Variants in ADD1 observed in about 807,000 individuals in gnomAD.
ADD1 encodes the protein adducin 1, also known as alpha-adducin.
Under a neutral mutation model 80.5 loss-of-function variants are expected in ADD1, and 24 were observed. The ratio of observed to expected loss-of-function variants is 0.30; its 90% CI spans 0.22 to 0.42. ADD1 has a LOEUF of 0.42. Among genes scored for constraint, ADD1 ranks in the 10% least tolerant of loss-of-function variants. ADD1 has a pLI of 1.00. For synonymous variants in ADD1, 373 were observed against 393.8 expected (o/e 0.95, Z 0.63); for missense variants, 948 against 1,019.0 (o/e 0.93, Z 0.95).
At chr4:2,874,917 A>G (rs760947749) in intron 1 of ADD1, among the ~76,000 whole-genome samples, 21 of 152,152 alleles carry the variant, frequency 1.4e-4, no homozygotes, top group Non-Finnish European at 2.4e-4. Context: ...TTCAATTCCC[A>G]GGTGGTTCAT....
chr4:2,920,503 C>G (rs1739821447), intron 14 of ADD1, among the ~76,000 whole-genome samples: 1 of 152,154 alleles, frequency 6.6e-6, no homozygotes, highest in East Asian at 1.9e-4. Flanking sequence ...CTTTATGAAT[C>G]TGGGTGCTCC....
At chr4:2,898,719 T>C (rs1011311233) in intron 8 of ADD1, 188 bp downstream of exon 8, 14 of 607,132 alleles carry the variant, frequency 2.3e-5, no homozygotes, top group Non-Finnish European at 4.1e-5. Context: ...GGCAAAGGAT[T>C]ACTGGGCTTT....
At chr4:2,886,959 C>T (rs180680448) in intron 4 of ADD1, among the ~76,000 whole-genome samples, 1 of 152,320 alleles carries the variant, frequency 6.6e-6, no homozygotes, top group Admixed American at 6.5e-5. Flanking sequence ...TCACCTTCTT[C>T]GCAGGTTTTA....
rs142176014 is a variant in ADD1, at chr4:2,896,589, G to C, written c.742-1595G>C. On this transcript the variant is annotated intron_variant, in intron 6 of 15. Transcript: ENST00000683351. Reference sequence around the variant, plus strand: ...TGGTTTGTTTCACTCTGAACATATGGTTCTTATGTCAACATCGTGGTTTTA... The same window carrying C: ...TGGTTTGTTTCACTCTGAACATATGCTTCTTATGTCAACATCGTGGTTTTA... Among the ~76,000 whole-genome samples, 167 of 152,152 alleles carry C rather than the reference G, an allele frequency of 1.1e-3. 1 individual carries two copies. Among genetic ancestry groups the C allele is most frequent in the Admixed American group, 3.6e-3 (55 of 15,284 alleles).
chr4:2,867,317 A>G (rs1254792733), intron 1 of ADD1, among the ~76,000 whole-genome samples: 1 of 152,110 alleles, frequency 6.6e-6, no homozygotes, highest in Non-Finnish European at 1.5e-5. Context: ...AGCTGTTTTT[A>G]CTTTACAGGT....
intron 14 of ADD1, among the ~76,000 whole-genome samples, chr4:2,918,099 T>C (rs758465667): frequency 2.0e-5 from 3 of 152,264 alleles, no homozygotes; most frequent in Non-Finnish European, 4.4e-5. Flanking sequence ...ATTGAATCTA[T>C]AAATTACTTT....
intron 1 of ADD1, among the ~76,000 whole-genome samples, chr4:2,852,178 CTTTCTTTCTTT>C (rs200088992): frequency 2.2e-4 from 13 of 58,558 alleles, no homozygotes; most frequent in African/African-American, 9.1e-4. Flanking sequence ...TTCTTTCTTT[CTTTCTTTCTTT>C]CTTTCTTTCC....
chr4:2,915,097 C>T (rs1738771069), intron 14 of ADD1, 57 bp downstream of exon 14: 1 of 1,529,468 alleles, frequency 6.5e-7, no homozygotes, highest in East Asian at 2.3e-5. Flanking sequence ...GCTCTGGGAG[C>T]TTCTTTGTGG....
rs1341080377 is a variant in ADD1, at chr4:2,880,401, G to A, written c.196-1497G>A. On this transcript the variant is annotated intron_variant, in intron 2 of 15. Coordinates refer to ENST00000683351, the MANE Select transcript of ADD1 (RefSeq NM_001354761.2). The stretch of plus-strand genomic sequence containing the variant: ...TAAATTTGATGTGGATTAACATCCA[G>A]TGAACTTAAATTTTCATACCGGATA... 2.7e-5 allele frequency among the ~76,000 whole-genome samples: 4 copies of A among 147,242 alleles called. No individual in the cohort carries two copies. In the South Asian group the frequency reaches 6.8e-4, roughly 25 times the overall value.
intron 2 of ADD1, among the ~76,000 whole-genome samples, chr4:2,876,927 G>A (rs1395467379): frequency 3.3e-5 from 5 of 151,816 alleles, no homozygotes; most frequent in African/African-American, 4.8e-5. Flanking sequence ...ACTTGAAACC[G>A]GGAGGCGGAG....
At position 2,904,752 on chromosome 4, in the gene ADD1, C is replaced by T. The variant is rs1177783792; in HGVS notation, c.1162-12C>T. ...GGAATATTGACTGTCTTTCACTCTCCTTGGACCCTAGGGCTACAGAACTGG... is the reference window on the plus strand; with the variant it reads ...GGAATATTGACTGTCTTTCACTCTCTTTGGACCCTAGGGCTACAGAACTGG... On this transcript the variant is annotated splice_polypyrimidine_tract_variant and intron_variant, in intron 9 of 15. Coordinates refer to ENST00000683351, the MANE Select transcript of ADD1 (RefSeq NM_001354761.2). 1.2e-6 allele frequency: 2 copies of T among 1,607,366 alleles called. No individual in the cohort carries two copies. The highest frequency in any genetic ancestry group is 2.7e-5 in the African/African-American group (2 of 74,858).
intron 4 of ADD1, among the ~76,000 whole-genome samples, chr4:2,885,058 A>C (rs1280209348): frequency 6.6e-6 from 1 of 152,222 alleles, no homozygotes; most frequent in African/African-American, 2.4e-5. Context: ...CAACATTATT[A>C]GGATCTCTTT....
Position 2,881,964 on chromosome 4 carries a change from C to A in ADD1, c.262C>A (p.Leu88Ile), listed in dbSNP as rs780023838. The change falls in exon 3 of 16, where the codon CTA becomes ATA. Residue 88 changes from leucine to isoleucine, a missense_variant. Transcript: ENST00000683351. ...TAAGAAGGGGAAGAACCCCACAGGC[C>A]TATTGGCATTACAGCAGATTGCAGA... ...QFKKGKNPTG[L>I]LALQQIADFM... 1 of 1,613,346 alleles carries A rather than the reference C, an allele frequency of 6.2e-7. No homozygotes were observed. Among genetic ancestry groups the A allele is most frequent in the Non-Finnish European group, 8.5e-7 (1 of 1,179,786 alleles).
chr4:2,908,307 G>A (rs1196231742), intron 11 of ADD1, among the ~76,000 whole-genome samples: 3 of 152,208 alleles, frequency 2.0e-5, no homozygotes, highest in East Asian at 1.9e-4. Flanking sequence ...GGGGAGCTGG[G>A]AATAGTCTCC....
rs781597772 is a variant in ADD1, at chr4:2,928,308, C to A, written c.2185C>A (p.Pro729Thr). 3 of 1,613,948 alleles carry A rather than the reference C, an allele frequency of 1.9e-6. No homozygotes were observed. The highest frequency in any genetic ancestry group is 2.5e-6 in the Non-Finnish European group (3 of 1,180,034). ...AGAGAAGGAGGAGGAAGCCCATAGACCCCCAAGCCCCACTGAGGCCCCTAC... is the reference window on the plus strand; with the variant it reads ...AGAGAAGGAGGAGGAAGCCCATAGAACCCCAAGCCCCACTGAGGCCCCTAC... ...MLEKEEEAHR[P>T]PSPTEAPTEA... The change falls in exon 16 of 16, where the codon CCC becomes ACC. Residue 729 changes from proline (P) to threonine (T), a missense_variant. Physicochemically the swap from Pro to Thr is conservative, Grantham distance 38. Transcript: ENST00000683351.
At chr4:2,891,189 C>G (rs1734246469) in intron 4 of ADD1, among the ~76,000 whole-genome samples, 1 of 151,784 alleles carries the variant, frequency 6.6e-6, no homozygotes, top group African/African-American at 2.4e-5. Flanking sequence ...TGGCTCATGC[C>G]TCTAATCCCA....
At chr4:2,856,605 TTCCTGAGACGGGG>T (rs1221833301) in intron 1 of ADD1, among the ~76,000 whole-genome samples, 2 of 150,364 alleles carry the variant, frequency 1.3e-5, no homozygotes, top group East Asian at 3.9e-4. Context: ...TTTTTTTTTT[TTCCTGAGACGGGG>T]TCTTGCTCCG....
Position 2,928,346 on chromosome 4 carries a change from C to T in ADD1, c.2223C>T (p.Pro741=), listed in dbSNP as rs373749278. 6.1e-5 allele frequency: 98 copies of T among 1,613,760 alleles called. No individual in the cohort carries two copies. Among genetic ancestry groups the T allele is most frequent in the East Asian group, 1.1e-4 (5 of 44,868 alleles). Residue 741 remains proline, a synonymous_variant, in exon 16 of 16, where the codon CCC becomes CCT. Coordinates refer to ENST00000683351, the MANE Select transcript of ADD1 (RefSeq NM_001354761.2). The part of the protein sequence containing the change: ...SPTEAPTEAS[P]EPAPDPAPVA... ...CTGAGGCCCCTACTGAGGCCAGCCC[C>T]GAGCCAGCCCCAGACCCAGCCCCGG...
intron 1 of ADD1, among the ~76,000 whole-genome samples, chr4:2,865,764 T>G (rs903767004): frequency 2.6e-5 from 4 of 152,138 alleles, no homozygotes; most frequent in African/African-American, 7.2e-5. Flanking sequence ...GAAAAAAAAT[T>G]TTGTTTCAAT....
Sources: gnomAD v4.1 joint callset for allele counts (sites outside exome capture counted in the v4.1 genomes callset) on GRCh38, gnomAD v4.1.1 for gene constraint, MANE v1.5 for transcripts, NCBI Gene and HGNC (gene_info 2026-07-23, HGNC 2026-07-21) for gene names.